Variants in RFX7 observed in about 807,000 individuals in gnomAD.
RFX7 encodes the protein DNA-binding protein RFX7.
A neutral mutation model predicts 111.8 loss-of-function variants in RFX7; 26 were observed. That is an observed-to-expected ratio of 0.23 (90% CI 0.17 to 0.32). The LOEUF (loss-of-function observed/expected upper bound fraction) is 0.32, where lower values mean the gene tolerates loss of function less well. Among genes scored for constraint, RFX7 ranks in the 10% least tolerant of loss-of-function variants. The pLI is 1.00. For synonymous variants in RFX7, 624 were observed against 624.4 expected (o/e 1.00, Z 0.01); for missense variants, 1,573 against 1,772.9 (o/e 0.89, Z 2.02).
chr15:56,221,218 G>C (rs1227369097), intron 2 of RFX7, among the ~76,000 whole-genome samples: 1 of 152,212 alleles, frequency 6.6e-6, no homozygotes, highest in African/African-American at 2.4e-5. Context: ...TGTGAAGAAT[G>C]TCACTGGTAG....
chr15:56,116,325 A>C (rs2042008688), intron 5 of RFX7, among the ~76,000 whole-genome samples: 1 of 152,228 alleles, frequency 6.6e-6, no homozygotes, highest in African/African-American at 2.4e-5. Context: ...GTTTGTAGTT[A>C]AATAAGTGGT....
intron 5 of RFX7, among the ~76,000 whole-genome samples, chr15:56,110,510 G>A (rs1267902516): frequency 2.1e-5 from 2 of 94,836 alleles, no homozygotes; most frequent in Non-Finnish European, 4.5e-5. Context: ...GAGCCCCTCT[G>A]CCCGGCCAGC....
At chr15:56,182,175 AAATGT>A (rs2042981742) in intron 2 of RFX7, among the ~76,000 whole-genome samples, 1 of 152,270 alleles carries the variant, frequency 6.6e-6, no homozygotes. Context: ...ACTGTACTAT[AAATGT>A]AATGAGCTTG....
Position 56,096,192 on chromosome 15 carries a change from C to T in RFX7, c.1536G>A (p.Lys512=), listed in dbSNP as rs1214090406. The T allele has an allele frequency of 1.3e-5, 21 of 1,613,940 alleles. No homozygotes were observed. The highest frequency in any genetic ancestry group is 1.8e-5 in the Non-Finnish European group (21 of 1,179,854). The change falls in exon 10 of 10, where the codon AAG becomes AAA. Residue 512 remains lysine (K), a synonymous_variant. Transcript: ENST00000559447. The part of the protein sequence containing the change: ...TEESRSVPQI[K]NGSVVSLQSP... ...ACTGAAGCGACACGACAGAACCATT[C>T]TTGATCTGTGGAACACTCCTTGATT... is the stretch of plus-strand genomic sequence containing the variant.
intron 2 of RFX7, among the ~76,000 whole-genome samples, chr15:56,226,693 A>T (rs1244248820): frequency 1.3e-5 from 2 of 152,252 alleles, no homozygotes; most frequent in African/African-American, 4.8e-5. Context: ...ATACTTAAGC[A>T]TTGTGATAAG....
intron 3 of RFX7, among the ~76,000 whole-genome samples, chr15:56,174,536 CAA>C (rs1328051632): frequency 1.3e-5 from 2 of 152,050 alleles, no homozygotes; most frequent in Non-Finnish European, 1.5e-5. Context: ...ACCATGAGGT[CAA>C]GAGATCGAGA....
chr15:56,194,292 T>A (rs1409050184), intron 2 of RFX7, among the ~76,000 whole-genome samples: 1 of 152,124 alleles, frequency 6.6e-6, no homozygotes, highest in Non-Finnish European at 1.5e-5. Flanking sequence ...TTGATTCAAA[T>A]TTCTTGTGTT....
intron 3 of RFX7, among the ~76,000 whole-genome samples, chr15:56,159,914 G>A (rs2042701296): frequency 6.6e-6 from 1 of 152,164 alleles, no homozygotes; most frequent in Admixed American, 6.5e-5. Context: ...ATCTGCTCCT[G>A]TTTTTAGGGA....
At chr15:56,140,366 G>C (rs555473042) in intron 5 of RFX7, among the ~76,000 whole-genome samples, 2 of 152,348 alleles carry the variant, frequency 1.3e-5, no homozygotes, top group East Asian at 3.9e-4. Flanking sequence ...TCGGGTGGGA[G>C]TGACCCGATT....
At chr15:56,194,324 A>C (rs2043127653) in intron 2 of RFX7, among the ~76,000 whole-genome samples, 2 of 152,172 alleles carry the variant, frequency 1.3e-5, no homozygotes, top group African/African-American at 4.8e-5. Context: ...GGTATCTGTG[A>C]ATACCAGATA....
At chr15:56,192,956 C>T (rs2043113955) in intron 2 of RFX7, 2 of 187,760 alleles carry the variant, frequency 1.1e-5, no homozygotes, top group South Asian at 1.2e-4. Context: ...TAGGTCTGTG[C>T]TGTGGACTAC....
intron 3 of RFX7, among the ~76,000 whole-genome samples, chr15:56,174,456 A>G: frequency 6.6e-6 from 1 of 152,146 alleles, no homozygotes; most frequent in East Asian, 1.9e-4. Context: ...AAAAATCAGC[A>G]TGTGGCTGGG....
At chr15:56,112,044 G>A (rs1407232706) in intron 5 of RFX7, among the ~76,000 whole-genome samples, 3 of 151,802 alleles carry the variant, frequency 2.0e-5, no homozygotes, top group African/African-American at 7.3e-5. Context: ...GAACCCAGGA[G>A]GCGGAGGTTG....
chr15:56,173,565 G>A (rs1350172173), intron 3 of RFX7, among the ~76,000 whole-genome samples: 1 of 152,230 alleles, frequency 6.6e-6, no homozygotes, highest in African/African-American at 2.4e-5. Flanking sequence ...TGGATCAGAT[G>A]AGGTCAGGAG....
At chr15:56,214,817 G>T (rs11629809) in intron 2 of RFX7, among the ~76,000 whole-genome samples, 19,831 of 151,588 alleles carry the variant, frequency 0.13, 1,704 homozygotes, top group East Asian at 0.45. Flanking sequence ...TTACACTATC[G>T]ATTTTTATTG....
intron 3 of RFX7, among the ~76,000 whole-genome samples, chr15:56,154,472 C>T (rs529996367): frequency 6.6e-6 from 1 of 152,240 alleles, no homozygotes; most frequent in African/African-American, 2.4e-5. Flanking sequence ...TCAGAAATAA[C>T]TCCGCATATC....
rs1274030899 is a variant in RFX7, at chr15:56,179,260, T to C, written c.195+10A>G. 5 of 1,252,762 alleles carry C rather than the reference T, an allele frequency of 4.0e-6. No individual in the cohort carries two copies. The highest frequency in any genetic ancestry group is 4.2e-6 in the Non-Finnish European group (4 of 942,898). The allele number at this position is 1,252,762 out of a possible 1,614,324, so 77.6% of individuals were successfully genotyped here. On this transcript the variant is annotated intron_variant, in intron 3 of 9. Transcript: ENST00000559447. ...TGCAAAAGGATTTTAATATTAGTTA[T>C]TTCACTTACCAAAATGCAGTCCACT...
Position 56,101,395 on chromosome 15 carries a change from T to C in RFX7, c.775A>G (p.Met259Val), listed in dbSNP as rs540863881. 1.7e-5 allele frequency: 27 copies of C among 1,607,118 alleles called. No individual in the cohort carries two copies. The highest frequency in any genetic ancestry group is 1.1e-4 in the East Asian group (5 of 44,734). ...GCTGCCATTACAGTTAGAGCTGCCATTGACTTGGTGCCTATATAGTGACTT... is the reference window on the plus strand; with the variant it reads ...GCTGCCATTACAGTTAGAGCTGCCACTGACTTGGTGCCTATATAGTGACTT... ...VKSHYIGTKS[M>V]AALTVMAAAP... The change falls in exon 8 of 10, where the codon ATG (methionine) becomes GTG (valine). Residue 259 changes from methionine (M) to valine (V), a missense_variant. This residue lies in a region of RFX7 where 288 missense variants were observed against 337.9 expected (regional missense o/e 0.85). Coordinates refer to ENST00000559447, the MANE Select transcript of RFX7 (RefSeq NM_022841.7).
intron 5 of RFX7, among the ~76,000 whole-genome samples, chr15:56,122,259 A>G (rs2042088589): frequency 1.3e-5 from 2 of 152,120 alleles, no homozygotes; most frequent in Admixed American, 6.5e-5. Context: ...AAGTCCAGTA[A>G]TGTGGTTCTT....
Sources: gnomAD v4.1 joint callset for allele counts (sites outside exome capture counted in the v4.1 genomes callset) on GRCh38, gnomAD v4.1.1 for gene constraint, gnomAD v4.1.1 regional missense constraint, MANE v1.5 for transcripts, NCBI Gene and HGNC (gene_info 2026-07-23, HGNC 2026-07-21) for gene names.